KCNIP1: variants seen among roughly 807,000 people sequenced by gnomAD.
The protein encoded by KCNIP1 is A-type potassium channel modulatory protein KCNIP1.
Under a neutral mutation model 33.0 loss-of-function variants are expected in KCNIP1, and 18 were observed. The ratio of observed to expected loss-of-function variants is 0.55; its 90% CI spans 0.38 to 0.81. The LOEUF (loss-of-function observed/expected upper bound fraction) is 0.81. Ranked by LOEUF, KCNIP1 falls within the 30% of genes least tolerant of loss-of-function variation. KCNIP1 has a pLI of 0.00. For synonymous variants in KCNIP1, 93 were observed against 98.3 expected (o/e 0.95, Z 0.32); for missense variants, 238 against 271.6 (o/e 0.88, Z 0.87).
chr5:170,418,890 C>G (rs922510272), intron 1 of KCNIP1, among the ~76,000 whole-genome samples: 1 of 152,206 alleles, frequency 6.6e-6, no homozygotes, highest in Non-Finnish European at 1.5e-5. Flanking sequence ...GTTCATCCTC[C>G]CCAGTCATAT....
intron 1 of KCNIP1, among the ~76,000 whole-genome samples, chr5:170,534,918 C>T (rs1007179512): frequency 2.6e-5 from 4 of 152,052 alleles, no homozygotes; most frequent in South Asian, 2.1e-4. Flanking sequence ...CTGTGTGCAG[C>T]GGGCTGTGCT....
chr5:170,409,992 G>GTC (rs35602615), intron 1 of KCNIP1, among the ~76,000 whole-genome samples: 51,832 of 152,074 alleles, frequency 0.34, 10,849 homozygotes, highest in African/African-American at 0.6. Context: ...ATTTTTAAGT[G>GTC]TGTTTTGCTA....
chr5:170,479,365 T>C (rs1332038207), intron 1 of KCNIP1, among the ~76,000 whole-genome samples: 1 of 152,232 alleles, frequency 6.6e-6, no homozygotes, highest in Admixed American at 6.5e-5. Context: ...CTTTACATGT[T>C]ACCAAACATG....
chr5:170,693,886 G>A (rs1762806174), intron 1 of KCNIP1, among the ~76,000 whole-genome samples: 1 of 152,248 alleles, frequency 6.6e-6, no homozygotes, highest in Admixed American at 6.5e-5. Flanking sequence ...GCTGGAGGCA[G>A]TTCTGTGCTG....
chr5:170,681,560 T>C (rs1044066761), intron 1 of KCNIP1: 25 of 158,650 alleles, frequency 1.6e-4, no homozygotes, highest in Middle Eastern at 6.2e-3. Context: ...AAAGCCATTA[T>C]GTTGATTAAC....
chr5:170,681,313 G>A, intron 1 of KCNIP1: 1 of 391,238 alleles, frequency 2.6e-6, no homozygotes, highest in Non-Finnish European at 4.5e-6. Flanking sequence ...CTGAAACAGC[G>A]TGGTATTGGT....
intron 3 of KCNIP1, among the ~76,000 whole-genome samples, chr5:170,720,828 A>G (rs1763795162): frequency 6.6e-6 from 1 of 152,254 alleles, no homozygotes; most frequent in African/African-American, 2.4e-5. Flanking sequence ...AAAATAGCTG[A>G]GACAAGCTGG....
At chr5:170,732,708 G>A (rs1213316020) in intron 5 of KCNIP1, 92 bp from the exon 6 acceptor site, 2 of 779,062 alleles carry the variant, frequency 2.6e-6, no homozygotes, top group African/African-American at 3.4e-5. Context: ...CACTTTCATT[G>A]CCAAGGGGCA....
intron 1 of KCNIP1, chr5:170,669,790 T>A: frequency 2.7e-6 from 1 of 364,288 alleles, no homozygotes; most frequent in Non-Finnish European, 3.8e-6. Flanking sequence ...AAAAACAACA[T>A]CTGAGCTTGG....
intron 1 of KCNIP1, chr5:170,377,574 GTTT>G (rs1217521546): frequency 7.4e-6 from 1 of 134,860 alleles, no homozygotes; most frequent in Non-Finnish European, 1.6e-5. Flanking sequence ...TTCATTTTTT[GTTT>G]TTTGTTTTTT....
At chr5:170,391,131 A>G (rs1754579267) in intron 1 of KCNIP1, among the ~76,000 whole-genome samples, 1 of 152,144 alleles carries the variant, frequency 6.6e-6, no homozygotes, top group African/African-American at 2.4e-5. Flanking sequence ...TCAATCTCAG[A>G]AGAGCAATTT....
intron 1 of KCNIP1, among the ~76,000 whole-genome samples, chr5:170,601,610 G>A (rs963156568): frequency 3.3e-4 from 51 of 152,284 alleles, no homozygotes; most frequent in African/African-American, 1.2e-3. Context: ...TAGGAGCAGA[G>A]ACAATAAATA....
At chr5:170,622,406 G>A (rs1024567138) in intron 1 of KCNIP1, among the ~76,000 whole-genome samples, 5 of 152,200 alleles carry the variant, frequency 3.3e-5, no homozygotes, top group African/African-American at 1.2e-4. Context: ...CAGATCACTT[G>A]AGGTTAGGAG....
intron 1 of KCNIP1, among the ~76,000 whole-genome samples, chr5:170,568,648 TAAAAA>T (rs33992187): frequency 0.017 from 750 of 43,726 alleles, 11 homozygotes; most frequent in Middle Eastern, 0.15. Flanking sequence ...CCGTTTCTAC[TAAAAA>T]AAAAAAAAAA....
At chr5:170,483,937 G>A (rs1051904051) in intron 1 of KCNIP1, 12 of 152,188 alleles carry the variant, frequency 7.9e-5, no homozygotes, top group African/African-American at 2.7e-4. Context: ...ATTGAGTTGT[G>A]GCCAGAAGGG....
intron 1 of KCNIP1, among the ~76,000 whole-genome samples, chr5:170,480,134 A>G (rs1237780177): frequency 1.3e-5 from 2 of 152,228 alleles, no homozygotes; most frequent in African/African-American, 2.4e-5. Context: ...CATGAAGATT[A>G]TGGGTATATA....
intron 1 of KCNIP1, among the ~76,000 whole-genome samples, chr5:170,445,841 G>A (rs1274637500): frequency 6.6e-6 from 1 of 152,156 alleles, no homozygotes; most frequent in East Asian, 1.9e-4. Flanking sequence ...GGGCTGCATT[G>A]GGCAACATTG....
chr5:170,436,698 T>C (rs564652441), intron 1 of KCNIP1, among the ~76,000 whole-genome samples: 9 of 152,340 alleles, frequency 5.9e-5, no homozygotes, highest in Non-Finnish European at 1.0e-4. Context: ...TTTTCTGCTT[T>C]CTGCAGTGTT....
At chr5:170,621,739 G>A (rs1342185844) in intron 1 of KCNIP1, among the ~76,000 whole-genome samples, 2 of 152,068 alleles carry the variant, frequency 1.3e-5, no homozygotes, top group South Asian at 2.1e-4. Flanking sequence ...AAATTCCTAG[G>A]CTTGAGTGAT....
Sources: gnomAD v4.1 joint callset for allele counts (sites outside exome capture counted in the v4.1 genomes callset) on GRCh38, gnomAD v4.1.1 for gene constraint, MANE v1.5 for transcripts, NCBI Gene and HGNC (gene_info 2026-07-23, HGNC 2026-07-21) for gene names.